The following TEX14 variants were observed in gnomAD, a reference collection of about 807,000 sequenced individuals.
TEX14 encodes testis expressed 14, intercellular bridge forming factor, also known as inactive serine/threonine-protein kinase TEX14.
In TEX14, 168 loss-of-function variants were observed where a neutral mutation model predicts 178.6. That is an observed-to-expected ratio of 0.94 (90% CI 0.83 to 1.07). The LOEUF is 1.07. Among genes scored for constraint, TEX14 ranks in the 50% least tolerant of loss-of-function variants. The pLI, the probability that TEX14 is intolerant of heterozygous loss-of-function variation, is 0.00. For synonymous variants in TEX14, 626 were observed against 634.1 expected (o/e 0.99, Z 0.19); for missense variants, 1,730 against 1,753.6 (o/e 0.99, Z 0.24).
At chr17:58,654,977 T>C (rs2046920520) in intron 1 of TEX14, among the ~76,000 whole-genome samples, 2 of 151,588 alleles carry the variant, frequency 1.3e-5, no homozygotes, top group South Asian at 4.2e-4. Flanking sequence ...TTAGTTGGTC[T>C]GCTGAGTTAC....
chr17:58,686,036 A>G (rs1225973270), intron 1 of TEX14, among the ~76,000 whole-genome samples: 3 of 150,698 alleles, frequency 2.0e-5, no homozygotes, highest in Admixed American at 6.7e-5. Context: ...AAGGAGTGAC[A>G]TAACTGAAAT....
chr17:58,592,165 T>A (rs1598365528), intron 15 of TEX14, among the ~76,000 whole-genome samples: 1 of 152,142 alleles, frequency 6.6e-6, no homozygotes, highest in East Asian at 1.9e-4. Flanking sequence ...AATCAATTTT[T>A]TAAAAATTGA....
At position 58,576,637 on chromosome 17, in the gene TEX14, C is replaced by T. The variant is rs535260305; in HGVS notation, c.3320+738G>A. ...AAGATACAGAACATTTCTACTACCA[C>T]AAAGATATTTCTGGTTTACAGCTAT... On this transcript the variant is annotated intron_variant, in intron 21 of 31. Transcript: ENST00000349033. Among the ~76,000 whole-genome samples the T allele has an allele frequency of 2.0e-5, 3 of 152,348 alleles. No individual in the cohort carries two copies. In the East Asian group the frequency reaches 5.8e-4, roughly 29 times the overall value.
intron 2 of TEX14, among the ~76,000 whole-genome samples, chr17:58,642,282 C>T: frequency 6.6e-6 from 1 of 152,166 alleles, no homozygotes; most frequent in Non-Finnish European, 1.5e-5. Context: ...TAATCAACCA[C>T]ACTTTTAATT....
chr17:58,562,057 C>A (rs926866246), intron 28 of TEX14, among the ~76,000 whole-genome samples: 6 of 152,102 alleles, frequency 3.9e-5, no homozygotes, highest in African/African-American at 1.4e-4. Context: ...TGCACTCTAG[C>A]CTGGGTGACA....
chr17:58,569,056 G>GCC lies in TEX14; in HGVS notation c.3886+134_3886+135dup, dbSNP rs2044464531. The GCC allele has an allele frequency of 1.1e-5, 7 of 645,938 alleles. No homozygotes were observed. In the South Asian group the frequency reaches 1.6e-4, roughly 15 times the overall value. The allele number at this position is 645,938 out of a possible 1,614,324, so 40.0% of individuals were successfully genotyped here. A position where few individuals can be genotyped will look rare whatever the true frequency, so the allele number is the denominator to read the frequency against. ...GCCCCTTCCTAAATTTTGGAAAACT[G>GCC]CCCCTTCCTATATTCAACCAGGCCA... On this transcript the variant is annotated intron_variant, in intron 26 of 31. Transcript: ENST00000349033. The surrounding 1 kb of genome is among the most constrained non-coding windows in gnomAD (Gnocchi z 4.1).
At chr17:58,661,604 GGAAGGCTGATGC>G in intron 1 of TEX14, 1 of 712,760 alleles carries the variant, frequency 1.4e-6, no homozygotes, top group South Asian at 1.6e-5. Flanking sequence ...TGCCATCTTG[GGAAGGCTGATGC>G]GAAATGTTGA....
chr17:58,678,438 A>T (rs183256497), intron 1 of TEX14, among the ~76,000 whole-genome samples: 1 of 152,316 alleles, frequency 6.6e-6, no homozygotes, highest in Admixed American at 6.5e-5. Flanking sequence ...ATGTCCATCA[A>T]TGATAGAATG....
intron 22 of TEX14, 59 bp downstream of exon 22, chr17:58,574,127 AT>A: frequency 7.7e-7 from 1 of 1,304,656 alleles, no homozygotes; most frequent in Non-Finnish European, 1.1e-6. Flanking sequence ...AGAATATACT[AT>A]TCCCTTAAAA....
intron 2 of TEX14, among the ~76,000 whole-genome samples, chr17:58,634,834 T>TA (rs1370310782): frequency 6.6e-6 from 1 of 151,970 alleles, no homozygotes; most frequent in Admixed American, 6.6e-5. Flanking sequence ...TCCAGTATAA[T>TA]AAAAATAATG....
intron 10 of TEX14, among the ~76,000 whole-genome samples, chr17:58,610,883 CAA>C (rs879273175): frequency 3.7e-5 from 5 of 133,440 alleles, no homozygotes; most frequent in Admixed American, 7.6e-5. Context: ...AAGACTCCGT[CAA>C]AAAAAAAAAA....
chr17:58,607,045 C>A (rs2045626758), intron 10 of TEX14, among the ~76,000 whole-genome samples: 1 of 147,018 alleles, frequency 6.8e-6, no homozygotes, highest in African/African-American at 2.5e-5. Context: ...AAGGAAGGAG[C>A]TGAAGGTAGG....
chr17:58,627,955 C>CT lies in TEX14; in HGVS notation c.251+2484dup, dbSNP rs368079478. On this transcript the variant is annotated intron_variant, in intron 3 of 31. Transcript: ENST00000349033. ...TTTTTTTTGGGTATAGACAGGGTCT[C>CT]TGTTGCCCAGGCTAGTCTCAAACTC... Among the ~76,000 whole-genome samples the CT allele has an allele frequency of 7.0e-5, 8 of 113,534 alleles. No individual in the cohort carries two copies. The East Asian group carries it at 2.2e-3, about 31-fold the overall frequency. 74.5% of individuals were successfully genotyped at this position (113,534 alleles called of 152,430 possible).
At chr17:58,662,319 G>A (rs2047128750) in intron 1 of TEX14, among the ~76,000 whole-genome samples, 1 of 151,378 alleles carries the variant, frequency 6.6e-6, no homozygotes, top group Non-Finnish European at 1.5e-5. Context: ...GCGTGGTGGC[G>A]GGTGCCTGTA....
chr17:58,602,313 T>G, intron 12 of TEX14, 87 bp downstream of exon 12: 1 of 1,313,466 alleles, frequency 7.6e-7, no homozygotes, highest in Non-Finnish European at 1.1e-6. Context: ...TTCTTACAAC[T>G]TGGTCTCTAG....
intron 1 of TEX14, among the ~76,000 whole-genome samples, chr17:58,674,767 G>A (rs1055153248): frequency 8.9e-5 from 13 of 146,038 alleles, no homozygotes; most frequent in African/African-American, 3.0e-4. Flanking sequence ...AAAAGCACAA[G>A]TATAGTATGT....
At chr17:58,672,763 G>T (rs1262039772) in intron 1 of TEX14, among the ~76,000 whole-genome samples, 3 of 151,332 alleles carry the variant, frequency 2.0e-5, no homozygotes, top group African/African-American at 7.3e-5. Flanking sequence ...ATGGAGTCTC[G>T]CTCTGTCACC....
Position 58,613,447 on chromosome 17 carries a change from T to C in TEX14, c.979A>G (p.Thr327Ala), listed in dbSNP as rs1285727740. The C allele has an allele frequency of 2.5e-6, 4 of 1,614,090 alleles. No individual in the cohort carries two copies. Among genetic ancestry groups the C allele is most frequent in the Non-Finnish European group, 3.4e-6 (4 of 1,180,002 alleles). Residue 327 changes from threonine to alanine, a missense_variant, in exon 9 of 32, where the codon ACA becomes GCA. Coordinates refer to ENST00000349033, the MANE Select transcript of TEX14 (RefSeq NM_031272.5). ...CGTTCATGAAGGACACTGAACAATGTGCCGATAGTGATGCGCTCGTACACA... is the reference window on the plus strand; with the variant it reads ...CGTTCATGAAGGACACTGAACAATGCGCCGATAGTGATGCGCTCGTACACA... ...RLVYERITIG[T>A]LFSVLHERRS...
intron 1 of TEX14, among the ~76,000 whole-genome samples, chr17:58,659,940 G>A (rs2047073487): frequency 6.6e-6 from 1 of 150,556 alleles, no homozygotes; most frequent in Non-Finnish European, 1.5e-5. Flanking sequence ...CAGGTGATCC[G>A]CCCACCTCGG....
Sources: allele counts gnomAD v4.1 joint callset (sites outside exome capture counted in the v4.1 genomes callset), GRCh38; gene constraint gnomAD v4.1.1; non-coding constraint Gnocchi (gnomAD v3.1); transcripts MANE v1.5; gene names NCBI Gene and HGNC (gene_info 2026-07-23, HGNC 2026-07-21).